The following CYP2J2 variants were observed in gnomAD, a reference collection of about 807,000 sequenced individuals.
The protein encoded by CYP2J2 is cytochrome P450 2J2.
In CYP2J2, 41 loss-of-function variants were observed where a neutral mutation model predicts 48.8. The ratio of observed to expected loss-of-function variants is 0.84; its 90% CI spans 0.66 to 1.09. The LOEUF is 1.09. Among genes scored for constraint, CYP2J2 ranks in the 50% least tolerant of loss-of-function variants. The probability of loss-of-function intolerance (pLI) is 0.00; values close to 1 mark genes in which losing one functional copy is unlikely to be tolerated. For missense variants in CYP2J2, 644 were observed against 617.3 expected (o/e 1.04, Z -0.46); for synonymous variants, 221 against 227.1 (o/e 0.97, Z 0.24).
chr1:59,963,144 G>C, the CYP2J2 span, among the ~76,000 whole-genome samples: 2 of 152,182 alleles, frequency 1.3e-5, no homozygotes, highest in African/African-American at 4.8e-5. Flanking sequence ...AAAGGGCATA[G>C]TTCAGTGGCG....
chr1:59,900,850 G>A (rs920068266), intron 8 of CYP2J2, 115 bp downstream of exon 8: 35 of 1,219,574 alleles, frequency 2.9e-5, no homozygotes, highest in African/African-American at 6.0e-5. Flanking sequence ...GGAGTGAGTC[G>A]CACTGGCCAG....
chr1:59,968,334 C>T, the CYP2J2 span, among the ~76,000 whole-genome samples: 1 of 152,094 alleles, frequency 6.6e-6, no homozygotes, highest in South Asian at 2.1e-4. Context: ...TCTAGTCGCT[C>T]TCCTCAAACC....
At chr1:59,964,752 C>G in the CYP2J2 span, among the ~76,000 whole-genome samples, 1 of 152,200 alleles carries the variant, frequency 6.6e-6, no homozygotes, top group Non-Finnish European at 1.5e-5. Context: ...TTCATTACAA[C>G]CTTTCAGATT....
At chr1:59,921,024 C>T (rs1644508116) in intron 1 of CYP2J2, among the ~76,000 whole-genome samples, 1 of 152,140 alleles carries the variant, frequency 6.6e-6, no homozygotes. Context: ...CAACATTCTA[C>T]AAAAGGTTAT....
the CYP2J2 span, among the ~76,000 whole-genome samples, chr1:59,937,641 T>G: frequency 6.6e-6 from 1 of 152,164 alleles, no homozygotes; most frequent in Non-Finnish European, 1.5e-5. Context: ...ATTATCCCTT[T>G]GAATAAAGTT....
At chr1:59,954,688 G>T in the CYP2J2 span, among the ~76,000 whole-genome samples, 1 of 151,814 alleles carries the variant, frequency 6.6e-6, no homozygotes, top group Admixed American at 6.6e-5. Context: ...TATATTATAG[G>T]ATCAAACCCA....
intron 8 of CYP2J2, among the ~76,000 whole-genome samples, chr1:59,897,012 G>A (rs1644275368): frequency 6.6e-6 from 1 of 152,140 alleles, no homozygotes; most frequent in Non-Finnish European, 1.5e-5. Flanking sequence ...TCCTTTGTCT[G>A]TAACAGGTTG....
At chr1:59,937,787 A>G in the CYP2J2 span, among the ~76,000 whole-genome samples, 2 of 151,722 alleles carry the variant, frequency 1.3e-5, no homozygotes, top group South Asian at 2.1e-4. Flanking sequence ...TCTGATGTGT[A>G]TTGTCAAATA....
chr1:59,898,336 A>T (rs1343987551), intron 8 of CYP2J2, among the ~76,000 whole-genome samples: 1 of 152,188 alleles, frequency 6.6e-6, no homozygotes, highest in East Asian at 1.9e-4. Flanking sequence ...CCACCATGTG[A>T]CTAAGCCAGG....
chr1:59,931,289 A>G (rs1409869845), upstream of CYP2J2, among the ~76,000 whole-genome samples: 1 of 152,176 alleles, frequency 6.6e-6, no homozygotes, highest in Non-Finnish European at 1.5e-5. Context: ...CTAGATGCTC[A>G]GTGTGAATAA....
chr1:59,894,569 C>T (rs985569974), intron 8 of CYP2J2, among the ~76,000 whole-genome samples: 4 of 152,166 alleles, frequency 2.6e-5, no homozygotes, highest in Non-Finnish European at 1.5e-5. Flanking sequence ...ACCTCCTAAC[C>T]ACGTGATTGG....
the CYP2J2 span, among the ~76,000 whole-genome samples, chr1:59,959,786 T>C: frequency 2.6e-5 from 4 of 152,094 alleles, no homozygotes; most frequent in Admixed American, 2.6e-4. Context: ...CTAAGTGAAG[T>C]AATTCAGGAA....
At chr1:59,917,077 G>A (rs747344158) in intron 1 of CYP2J2, among the ~76,000 whole-genome samples, 10 of 152,252 alleles carry the variant, frequency 6.6e-5, no homozygotes, top group Admixed American at 4.6e-4. Flanking sequence ...TAGTTCAATC[G>A]TTTTCGGCTC....
At chr1:59,943,689 T>C in the CYP2J2 span, among the ~76,000 whole-genome samples, 658 of 150,298 alleles carry the variant, frequency 4.4e-3, 2 homozygotes, top group African/African-American at 0.014. Flanking sequence ...TTTTTTTTTT[T>C]CCCCCCACAA....
At chr1:59,903,588 T>C (rs1297859967) in intron 7 of CYP2J2, among the ~76,000 whole-genome samples, 1 of 152,136 alleles carries the variant, frequency 6.6e-6, no homozygotes, top group Non-Finnish European at 1.5e-5. Flanking sequence ...ACCTGGGTAA[T>C]GGTTCAATCA....
intron 1 of CYP2J2, among the ~76,000 whole-genome samples, chr1:59,919,795 C>T (rs11572226): frequency 1.7e-3 from 266 of 152,264 alleles, no homozygotes; most frequent in African/African-American, 6.1e-3. Context: ...ATAATGGTCT[C>T]ACAGGTAGTT....
At chr1:59,958,290 C>T in the CYP2J2 span, among the ~76,000 whole-genome samples, 57 of 152,254 alleles carry the variant, frequency 3.7e-4, no homozygotes, top group Admixed American at 8.5e-4. Flanking sequence ...TACCCAATGC[C>T]CCAATCCTTC....
At chr1:59,895,919 A>G (rs1356518768) in intron 8 of CYP2J2, among the ~76,000 whole-genome samples, 1 of 152,108 alleles carries the variant, frequency 6.6e-6, no homozygotes, top group East Asian at 1.9e-4. Context: ...TCATTTATTG[A>G]TATCAGTTAA....
At chr1:59,912,096 TAGTA>T in intron 3 of CYP2J2, 62 bp downstream of exon 3, 4 of 1,468,868 alleles carry the variant, frequency 2.7e-6, no homozygotes, top group South Asian at 2.6e-5. Flanking sequence ...CTTACTCACT[TAGTA>T]AGTATCTGTC....
Sources: gnomAD v4.1 joint callset for allele counts (sites outside exome capture counted in the v4.1 genomes callset) on GRCh38, gnomAD v4.1.1 for gene constraint, MANE v1.5 for transcripts, NCBI Gene and HGNC (gene_info 2026-07-23, HGNC 2026-07-21) for gene names.